The following PCDHA4 variants were observed in gnomAD, a reference collection of about 807,000 sequenced individuals.
PCDHA4 encodes protocadherin alpha 4.
Under a neutral mutation model 61.4 loss-of-function variants are expected in PCDHA4, and 49 were observed. The observed-to-expected ratio is 0.80, with a 90% CI of 0.63 to 1.01. The LOEUF (loss-of-function observed/expected upper bound fraction) is 1.01. Ranked by LOEUF, PCDHA4 falls within the 50% of genes least tolerant of loss-of-function variation. The pLI is 0.00. For synonymous variants in PCDHA4, 590 were observed against 550.3 expected (o/e 1.07, Z -1.01); for missense variants, 1,254 against 1,235.8 (o/e 1.01, Z -0.22).
intron 1 of PCDHA4, chr5:140,856,277 A>T: frequency 1.9e-6 from 3 of 1,598,280 alleles, no homozygotes; most frequent in Non-Finnish European, 2.6e-6. Flanking sequence ...TCTGGAGGTA[A>T]ATCTGCAGAA....
chr5:140,954,057 A>C (rs1554221238), intron 1 of PCDHA4, among the ~76,000 whole-genome samples: 1 of 152,112 alleles, frequency 6.6e-6, no homozygotes, highest in Admixed American at 6.5e-5. Flanking sequence ...TTCCTGCATT[A>C]TTATGCTGAG....
At chr5:140,816,920 G>C (rs1453114177) in intron 1 of PCDHA4, 1 of 152,042 alleles carries the variant, frequency 6.6e-6, no homozygotes, top group Non-Finnish European at 1.5e-5. Flanking sequence ...TATAGATTCT[G>C]CTGAATCCTA....
At chr5:140,864,370 C>T (rs185774022) in intron 1 of PCDHA4, 45 of 152,264 alleles carry the variant, frequency 3.0e-4, no homozygotes, top group African/African-American at 8.2e-4. Flanking sequence ...TTTCTATAAT[C>T]GATAAGTTTA....
intron 1 of PCDHA4, among the ~76,000 whole-genome samples, chr5:140,977,625 T>A (rs2096768746): frequency 6.6e-6 from 1 of 152,144 alleles, no homozygotes; most frequent in Non-Finnish European, 1.5e-5. Flanking sequence ...ATCCCAGAGT[T>A]GTAACTTTTT....
At chr5:140,830,105 A>G in intron 1 of PCDHA4, 1 of 1,613,218 alleles carries the variant, frequency 6.2e-7, no homozygotes, top group African/African-American at 1.3e-5. Context: ...GCTGGTGGAG[A>G]GTGGCCAGGC....
At chr5:140,984,013 A>G (rs1258063909) in intron 3 of PCDHA4, among the ~76,000 whole-genome samples, 1 of 152,234 alleles carries the variant, frequency 6.6e-6, no homozygotes, top group Non-Finnish European at 1.5e-5. Context: ...TAATATTGCC[A>G]GATTGCAAGG....
At chr5:140,978,791 A>G (rs1443899144) in intron 1 of PCDHA4, 158 bp from the exon 2 acceptor site, 1 of 976,042 alleles carries the variant, frequency 1.0e-6, no homozygotes, top group Non-Finnish European at 1.2e-6. Context: ...AAAGTGCTAT[A>G]TATGTAGATA....
Position 140,903,378 on chromosome 5 carries a change from G to T in PCDHA4, c.2386-75571G>T, listed in dbSNP as rs938741904. Among the ~76,000 whole-genome samples, 3 of 152,196 alleles carry T rather than the reference G, an allele frequency of 2.0e-5. No homozygotes were observed. In the South Asian group the frequency reaches 6.2e-4, roughly 32 times the overall value. On this transcript the variant is annotated intron_variant, in intron 1 of 3. Coordinates refer to ENST00000530339, the MANE Select transcript of PCDHA4 (RefSeq NM_018907.4). Reference sequence around the variant, plus strand: ...GTTTTTCAAAAATATAGGGAGGATTGTGGTTACTTCTAGAAACAGTAGTGC... The same window carrying T: ...GTTTTTCAAAAATATAGGGAGGATTTTGGTTACTTCTAGAAACAGTAGTGC...
chr5:140,887,654 G>A (rs2061529435), intron 1 of PCDHA4, among the ~76,000 whole-genome samples: 1 of 151,712 alleles, frequency 6.6e-6, no homozygotes, highest in South Asian at 2.1e-4. Context: ...TGATATTCTT[G>A]GATCTGTGGA....
At chr5:140,858,653 TTTTAAATAACAATTTATTCTGAATACAC>T in intron 1 of PCDHA4, 1 of 816,482 alleles carries the variant, frequency 1.2e-6, no homozygotes, top group Non-Finnish European at 1.9e-6. Flanking sequence ...ACTTAAATTT[TTTTAAATAACAATTTATTCTGAATACAC>T]TAATATTTTC....
intron 1 of PCDHA4, among the ~76,000 whole-genome samples, chr5:140,949,544 T>C (rs981428881): frequency 5.3e-5 from 8 of 151,908 alleles, no homozygotes; most frequent in Non-Finnish European, 1.2e-4. Flanking sequence ...TATCGATTTG[T>C]TGCTGGTCAT....
intron 1 of PCDHA4, among the ~76,000 whole-genome samples, chr5:140,818,603 A>G (rs1766396825): frequency 6.6e-6 from 1 of 152,166 alleles, no homozygotes; most frequent in African/African-American, 2.4e-5. Flanking sequence ...TGTGTGGGCC[A>G]TGACAGGAGG....
intron 3 of PCDHA4, among the ~76,000 whole-genome samples, chr5:140,987,622 TAGATG>T (rs1554249376): frequency 2.6e-5 from 4 of 152,328 alleles, no homozygotes; most frequent in African/African-American, 9.6e-5. Flanking sequence ...TTGGAAGAAT[TAGATG>T]AGATAATGCA....
intron 1 of PCDHA4, among the ~76,000 whole-genome samples, chr5:140,933,589 G>T (rs1369666636): frequency 8.6e-5 from 13 of 152,012 alleles, no homozygotes; most frequent in Non-Finnish European, 2.9e-5. Context: ...GGGTTTTTAG[G>T]TTGATTTGTC....
intron 1 of PCDHA4, among the ~76,000 whole-genome samples, chr5:140,917,117 C>T (rs1318149439): frequency 3.3e-5 from 5 of 152,018 alleles, no homozygotes; most frequent in South Asian, 2.1e-4. Flanking sequence ...CCTCCAAGTG[C>T]GCAGACTCCC....
rs2150240136 is a variant in PCDHA4, at chr5:140,835,634, T to G, written c.2385+26062T>G. 6.8e-6 allele frequency: 11 copies of G among 1,613,690 alleles called. No homozygotes were observed. The highest frequency in any genetic ancestry group is 1.1e-5 in the South Asian group (1 of 91,070). On this transcript the variant is annotated intron_variant, in intron 1 of 3. Transcript: ENST00000530339. The stretch of plus-strand genomic sequence containing the variant: ...TGGACAGCGCTCTGGACCGCGAGAG[T>G]GTGTCCGCCTATGAGCTGGTGGTTA...
At chr5:140,954,305 T>C (rs2153702260) in intron 1 of PCDHA4, among the ~76,000 whole-genome samples, 1 of 152,342 alleles carries the variant, frequency 6.6e-6, no homozygotes, top group South Asian at 2.1e-4. Context: ...TACCCAGTAA[T>C]GGGATTGCTG....
chr5:140,998,066 C>T (rs1234368433), intron 3 of PCDHA4, among the ~76,000 whole-genome samples: 2 of 152,160 alleles, frequency 1.3e-5, no homozygotes, highest in East Asian at 1.9e-4. Flanking sequence ...CATCAACAGA[C>T]TTAGCCTCTG....
At chr5:140,915,446 GT>G (rs2077122918) in intron 1 of PCDHA4, among the ~76,000 whole-genome samples, 1 of 152,184 alleles carries the variant, frequency 6.6e-6, no homozygotes, top group African/African-American at 2.4e-5. Flanking sequence ...TCTTGAGAAG[GT>G]TTTCCAGAAG....
Sources: gnomAD v4.1 joint callset for allele counts (sites outside exome capture counted in the v4.1 genomes callset) on GRCh38, gnomAD v4.1.1 for gene constraint, MANE v1.5 for transcripts, NCBI Gene and HGNC (gene_info 2026-07-23, HGNC 2026-07-21) for gene names.